Variants in LVRN observed in about 807,000 individuals in gnomAD.
The protein encoded by LVRN is aminopeptidase Q.
LVRN carries 99 observed loss-of-function variants against 111.4 expected under a neutral mutation model. That is an observed-to-expected ratio of 0.89 (90% CI 0.76 to 1.05). The LOEUF is 1.05. Among genes scored for constraint, LVRN ranks in the 50% least tolerant of loss-of-function variants. The pLI is 0.00. For synonymous variants in LVRN, 488 were observed against 449.5 expected, an observed-to-expected ratio of 1.09 and a Z score of -1.08; for missense variants, 1,414 against 1,206.8, an observed-to-expected ratio of 1.17 and a Z score of -2.54.
intron 9 of LVRN, 111 bp from the exon 10 acceptor site, chr5:116,000,956 C>A: frequency 2.4e-6 from 3 of 1,234,332 alleles, no homozygotes; most frequent in East Asian, 2.4e-5. Context: ...CACTGCAGGA[C>A]TACTACATAA....
chr5:115,992,221 C>A lies in LVRN; in HGVS notation c.1204C>A (p.Leu402Met). 2 of 1,613,862 alleles carry A rather than the reference C, an allele frequency of 1.2e-6. No individual in the cohort carries two copies. The highest frequency in any genetic ancestry group is 1.7e-6 in the Non-Finnish European group (2 of 1,179,854). ...SGLLLEPKDQ[L>M]TEKKTLISYV... ...ATTGTTGTTGGAACCAAAAGATCAA[C>A]TGACAGAAAAAAAGACTCTGATCTC... The change falls in exon 5 of 20, where the codon CTG becomes ATG. Residue 402 changes from leucine (L) to methionine (M), a missense_variant. Leu to Met is a conservative substitution (Grantham distance 15). Coordinates refer to ENST00000357872, the MANE Select transcript of LVRN (RefSeq NM_173800.5).
At chr5:116,007,182 A>G (rs980500904) in intron 13 of LVRN, among the ~76,000 whole-genome samples, 1 of 152,140 alleles carries the variant, frequency 6.6e-6, no homozygotes, top group East Asian at 1.9e-4. Context: ...CTTTAACACT[A>G]TTGCAATAAA....
intron 5 of LVRN, among the ~76,000 whole-genome samples, chr5:115,993,322 C>T (rs971546573): frequency 1.8e-4 from 27 of 151,864 alleles, no homozygotes; most frequent in African/African-American, 6.3e-4. Context: ...AAAATATAAA[C>T]AACTGCTTAA....
At chr5:115,993,491 T>C (rs999031013) in intron 5 of LVRN, among the ~76,000 whole-genome samples, 8 of 152,200 alleles carry the variant, frequency 5.3e-5, no homozygotes, top group African/African-American at 1.9e-4. Context: ...GTTTAAACAT[T>C]GCAGTTTTAA....
intron 4 of LVRN, among the ~76,000 whole-genome samples, chr5:115,989,133 A>T (rs916066532): frequency 1.3e-5 from 2 of 152,184 alleles, no homozygotes; most frequent in Non-Finnish European, 2.9e-5. Flanking sequence ...TGAAACCAGA[A>T]GGATCTTTCC....
chr5:116,007,426 C>T (rs960083452), intron 13 of LVRN, among the ~76,000 whole-genome samples: 1 of 152,198 alleles, frequency 6.6e-6, no homozygotes, highest in Non-Finnish European at 1.5e-5. Context: ...CTGCCTTCCT[C>T]TTTTTCTACC....
intron 18 of LVRN, among the ~76,000 whole-genome samples, chr5:116,018,070 G>A (rs2112639668): frequency 6.6e-6 from 1 of 151,984 alleles, no homozygotes. Flanking sequence ...AGACCAGCCT[G>A]GGCAATATAG....
intron 4 of LVRN, among the ~76,000 whole-genome samples, chr5:115,988,569 A>C (rs1217451951): frequency 3.9e-5 from 6 of 152,168 alleles, no homozygotes; most frequent in Non-Finnish European, 5.9e-5. Flanking sequence ...AGTATCATGT[A>C]AATGTATTTT....
chr5:116,003,459 T>G (rs1748283732), intron 12 of LVRN, 79 bp downstream of exon 12: 1 of 963,646 alleles, frequency 1.0e-6, no homozygotes, highest in Admixed American at 3.2e-5. Flanking sequence ...AACATTCTGG[T>G]GGGAAGAGAT....
chr5:115,993,904 G>C (rs1175104687), intron 6 of LVRN, 50 bp downstream of exon 6: 1 of 1,097,182 alleles, frequency 9.1e-7, no homozygotes, highest in Non-Finnish European at 1.3e-6. Flanking sequence ...AATTATAAAA[G>C]TAATGCATAT....
At chr5:116,015,440 T>C in intron 17 of LVRN, 21 bp downstream of exon 17, 1 of 1,524,094 alleles carries the variant, frequency 6.6e-7, no homozygotes, top group Non-Finnish European at 8.8e-7. Flanking sequence ...TCAACTTACC[T>C]TGAAAGTTTC....
At chr5:115,980,072 C>T (rs1753530675) in intron 1 of LVRN, among the ~76,000 whole-genome samples, 1 of 152,028 alleles carries the variant, frequency 6.6e-6, no homozygotes, top group Non-Finnish European at 1.5e-5. Flanking sequence ...AGTTGCTCTG[C>T]AATACTGACC....
intron 4 of LVRN, among the ~76,000 whole-genome samples, chr5:115,990,307 A>G (rs1747959409): frequency 6.6e-6 from 1 of 151,810 alleles, no homozygotes; most frequent in South Asian, 2.1e-4. Context: ...TAATTATTAG[A>G]CTCCTATGTA....
rs1748855578 is a variant in LVRN at position 116,026,022 on chromosome 5, C to G, written c.2877C>G (p.Ile959Met). The stretch of plus-strand genomic sequence containing the variant: ...ACATGTTGGAGGAACACCAGAGGAT[C>G]AGAGTTCATGCCAACTTACAGACAA... ...FSNMLEEHQRIRVHANLQTIK... is the reference protein window; with the variant it reads ...FSNMLEEHQRMRVHANLQTIK... The change falls in exon 20 of 20, where the codon ATC (isoleucine) becomes ATG (methionine). Residue 959 changes from isoleucine (I) to methionine (M), a missense_variant. By Grantham distance (10) the Ile-to-Met change is conservative. Transcript: ENST00000357872. 1 of 1,613,766 alleles carries G rather than the reference C, an allele frequency of 6.2e-7. No individual in the cohort carries two copies. The highest frequency in any genetic ancestry group is 1.1e-5 in the South Asian group (1 of 91,072).
intron 3 of LVRN, among the ~76,000 whole-genome samples, chr5:115,986,917 C>T (rs1747882883): frequency 6.6e-6 from 1 of 152,168 alleles, no homozygotes; most frequent in East Asian, 1.9e-4. Context: ...AAATTAACGG[C>T]ATTCACAACA....
intron 14 of LVRN, among the ~76,000 whole-genome samples, chr5:116,011,204 A>G (rs1193557745): frequency 7.7e-6 from 1 of 129,108 alleles, no homozygotes; most frequent in East Asian, 2.4e-4. Context: ...TTTTTTTTTT[A>G]GGGAAAAGGA....
chr5:115,962,671 G>A lies in LVRN; in HGVS notation c.54G>A (p.Leu18=). 1 of 1,610,088 alleles carries A rather than the reference G, an allele frequency of 6.2e-7. No homozygotes were observed. Among genetic ancestry groups the A allele is most frequent in the Non-Finnish European group, 8.5e-7 (1 of 1,179,528 alleles). The change falls in exon 1 of 20, where the codon CTG becomes CTA. Residue 18 remains leucine (L), a synonymous_variant. Transcript: ENST00000357872. ...GFYVSRAVAL[L]LAGLVAALLL... ...ATGTGAGCCGCGCAGTGGCCCTGCT[G>A]CTGGCTGGGCTGGTAGCCGCCCTCC... is the stretch of plus-strand genomic sequence containing the variant.
In LVRN at chr5:115,984,828, C is replaced by T. The variant is rs551367582; in HGVS notation, c.978+119C>T. The T allele has an allele frequency of 3.1e-4, 419 of 1,370,684 alleles. 7 individuals are homozygous for T. The South Asian group carries it at 6.0e-3, about 20-fold the overall frequency. The allele number at this position is 1,370,684 out of a possible 1,614,324, so 84.9% of individuals were successfully genotyped here. On this transcript the variant is annotated intron_variant, in intron 3 of 19. Coordinates refer to ENST00000357872, the MANE Select transcript of LVRN (RefSeq NM_173800.5). ...CCCAAATCGCTTCCTAGTTCTCTCT[C>T]CCAAGCCCTGTAAAAGTTCTTAGTG...
intron 12 of LVRN, among the ~76,000 whole-genome samples, chr5:116,003,742 C>T (rs1351137054): frequency 4.6e-5 from 7 of 151,926 alleles, no homozygotes; most frequent in Admixed American, 6.6e-5. Flanking sequence ...CCACCACGCC[C>T]GGCTAATTTT....
Sources: allele counts gnomAD v4.1 joint callset (sites outside exome capture counted in the v4.1 genomes callset), GRCh38; gene constraint gnomAD v4.1.1; transcripts MANE v1.5; gene names NCBI Gene and HGNC (gene_info 2026-07-23, HGNC 2026-07-21).